The following ABHD12 variants were observed in gnomAD, a reference collection of about 807,000 sequenced individuals.
ABHD12 encodes the protein abhydrolase domain containing 12, lysophospholipase, also known as lysophosphatidylserine lipase ABHD12.
A neutral mutation model predicts 58.3 loss-of-function variants in ABHD12; 43 were observed. That is an observed-to-expected ratio of 0.74 (90% CI 0.58 to 0.95). The LOEUF (loss-of-function observed/expected upper bound fraction) is 0.95, where lower values mean the gene tolerates loss of function less well. Among genes scored for constraint, ABHD12 ranks in the 40% least tolerant of loss-of-function variants. The pLI, the probability that ABHD12 is intolerant of heterozygous loss-of-function variation, is 0.00. For synonymous variants in ABHD12, 219 were observed against 211.2 expected, an observed-to-expected ratio of 1.04 and a Z score of -0.32; for missense variants, 539 against 537.2, an observed-to-expected ratio of 1.00 and a Z score of -0.03.
At chr20:25,369,335 G>A (rs996179216) in intron 1 of ABHD12, among the ~76,000 whole-genome samples, 1 of 152,058 alleles carries the variant, frequency 6.6e-6, no homozygotes, top group African/African-American at 2.4e-5. Context: ...ATATATTCTA[G>A]ATAAAGTTAA....
intron 3 of ABHD12, 65 bp downstream of exon 3, chr20:25,323,260 A>G: frequency 2.0e-6 from 2 of 979,648 alleles, no homozygotes; most frequent in Non-Finnish European, 3.3e-6. Context: ...CAAAGACAGC[A>G]CCAGCTCAGT....
downstream of ABHD12, among the ~76,000 whole-genome samples, chr20:25,298,245 ATGTGTGCCTGAACGG>A (rs897710990): frequency 1.3e-5 from 2 of 151,310 alleles, no homozygotes; most frequent in South Asian, 2.1e-4. Context: ...ACCCGGGGTC[ATGTGTGCCTGAACGG>A]CTAGTTTTGT....
Position 25,339,678 on chromosome 20 carries a change from C to G in ABHD12, c.192-327G>C, listed in dbSNP as rs866548636. The G allele has an allele frequency of 5.1e-6, 7 of 1,382,512 alleles. No individual in the cohort carries two copies. The Middle Eastern group carries it at 1.4e-3, about 284-fold the overall frequency. 85.6% of individuals were successfully genotyped at this position (1,382,512 alleles called of 1,614,324 possible). A position where few individuals can be genotyped will look rare whatever the true frequency, so the allele number is the denominator to read the frequency against. ...CCCCACCATGCCCCCCACCTGACAT[C>G]AGACCCCAGCTGTAACCTCGTATCA... is the stretch of plus-strand genomic sequence containing the variant. On this transcript the variant is annotated intron_variant, in intron 1 of 12. Coordinates refer to ENST00000339157, the MANE Select transcript of ABHD12 (RefSeq NM_001042472.3).
At chr20:25,327,780 A>G (rs2089201040) in intron 2 of ABHD12, among the ~76,000 whole-genome samples, 1 of 152,006 alleles carries the variant, frequency 6.6e-6, no homozygotes, top group African/African-American at 2.4e-5. Context: ...CAAGATTCTG[A>G]CCCTCCCCAA....
At chr20:25,346,405 C>T (rs1034577281) in intron 1 of ABHD12, among the ~76,000 whole-genome samples, 1 of 152,156 alleles carries the variant, frequency 6.6e-6, no homozygotes, top group Admixed American at 6.5e-5. Context: ...AAGTATTATA[C>T]ATTTGTCGAA....
intron 1 of ABHD12, among the ~76,000 whole-genome samples, chr20:25,354,879 A>C (rs1014786949): frequency 3.9e-5 from 6 of 152,116 alleles, no homozygotes; most frequent in Non-Finnish European, 8.8e-5. Context: ...ACCTACCCCA[A>C]TCACATCTAT....
intron 1 of ABHD12, among the ~76,000 whole-genome samples, chr20:25,357,833 A>T (rs1337335501): frequency 6.6e-6 from 1 of 152,102 alleles, no homozygotes; most frequent in Non-Finnish European, 1.5e-5. Flanking sequence ...CAACATGGCA[A>T]AACCCTGCCT....
intron 1 of ABHD12, among the ~76,000 whole-genome samples, chr20:25,389,058 G>A (rs576446231): frequency 8.6e-5 from 13 of 152,002 alleles, no homozygotes; most frequent in Non-Finnish European, 1.9e-4. Context: ...TGCCCGCCTC[G>A]GTCTCCCAGA....
At chr20:25,296,753 G>T (rs2088553487), downstream of ABHD12, 1 of 578,346 alleles carries the variant, frequency 1.7e-6, no homozygotes, top group Non-Finnish European at 2.9e-6. Flanking sequence ...CAGTACAAAG[G>T]GTCGTGGCCA....
chr20:25,322,127 G>A (rs964549407), intron 3 of ABHD12, among the ~76,000 whole-genome samples: 1 of 151,974 alleles, frequency 6.6e-6, no homozygotes, highest in African/African-American at 2.4e-5. Flanking sequence ...CTACAGTGAG[G>A]TTGGTCAATT....
chr20:25,340,021 C>T (rs910398931), intron 1 of ABHD12, among the ~76,000 whole-genome samples: 1 of 152,172 alleles, frequency 6.6e-6, no homozygotes, highest in Non-Finnish European at 1.5e-5. Context: ...TTCCCAAACC[C>T]CCTTTCAAAA....
intron 1 of ABHD12, among the ~76,000 whole-genome samples, chr20:25,387,503 A>ATTAG (rs2090106624): frequency 6.7e-6 from 1 of 149,336 alleles, no homozygotes; most frequent in Non-Finnish European, 1.5e-5. Context: ...TTCATACCTA[A>ATTAG]CACTTTGGGA....
chr20:25,376,282 C>CG (rs1385545631), intron 1 of ABHD12, among the ~76,000 whole-genome samples: 1 of 152,188 alleles, frequency 6.6e-6, no homozygotes, highest in African/African-American at 2.4e-5. Flanking sequence ...TTCCCCAAGA[C>CG]TAACAGATTA....
At chr20:25,315,554 T>C (rs2088945414) in intron 5 of ABHD12, among the ~76,000 whole-genome samples, 1 of 151,384 alleles carries the variant, frequency 6.6e-6, no homozygotes, top group African/African-American at 2.4e-5. Context: ...TGCCGCACCA[T>C]CATGTCACCC....
At chr20:25,317,960 C>T (rs1477284482) in intron 4 of ABHD12, among the ~76,000 whole-genome samples, 1 of 152,082 alleles carries the variant, frequency 6.6e-6, no homozygotes, top group Admixed American at 6.6e-5. Context: ...GGTATGGGGG[C>T]GGGAGTGTTG....
chr20:25,389,795 G>T (rs989747982), intron 1 of ABHD12: 14 of 152,318 alleles, frequency 9.2e-5, no homozygotes, highest in African/African-American at 3.1e-4. Flanking sequence ...CACCAGCAGA[G>T]CGAAGGGCAG....
At chr20:25,389,753 T>C (rs926786500) in intron 1 of ABHD12, among the ~76,000 whole-genome samples, 10 of 152,190 alleles carry the variant, frequency 6.6e-5, no homozygotes, top group Non-Finnish European at 1.5e-4. Context: ...GAGGCGAACT[T>C]GTGCGGACAG....
At chr20:25,336,246 C>T (rs907935464) in intron 2 of ABHD12, among the ~76,000 whole-genome samples, 9 of 151,608 alleles carry the variant, frequency 5.9e-5, no homozygotes, top group Admixed American at 1.3e-4. Context: ...AAATAAACTA[C>T]GGTGTTAACA....
chr20:25,359,639 G>A (rs149620076), intron 1 of ABHD12, among the ~76,000 whole-genome samples: 1,908 of 151,492 alleles, frequency 0.013, 43 homozygotes, highest in African/African-American at 0.041. Flanking sequence ...GTGCGATCTC[G>A]GCTCACTGCA....
Sources: gnomAD v4.1 joint callset for allele counts (sites outside exome capture counted in the v4.1 genomes callset) on GRCh38, gnomAD v4.1.1 for gene constraint, MANE v1.5 for transcripts, NCBI Gene and HGNC (gene_info 2026-07-23, HGNC 2026-07-21) for gene names.